NRK: variants seen among roughly 807,000 people sequenced by gnomAD.
NRK encodes the protein Nik related kinase, also known as nik-related protein kinase.
NRK carries 67 observed loss-of-function variants against 125.2 expected under a neutral mutation model. That is an observed-to-expected ratio of 0.54 (90% CI 0.44 to 0.66). NRK has a LOEUF of 0.66. Ranked by LOEUF, NRK falls within the 30% of genes least tolerant of loss-of-function variation. The probability of loss-of-function intolerance (pLI) is 0.00; values close to 1 mark genes in which losing one functional copy is unlikely to be tolerated. For synonymous variants in NRK, 458 were observed against 429.0 expected (o/e 1.07, Z -0.84); for missense variants, 1,224 against 1,192.9 (o/e 1.03, Z -0.38).
chrX:105,937,916 T>C (rs1480947595), intron 22 of NRK, among the ~76,000 whole-genome samples: 1 of 111,661 alleles, frequency 9.0e-6, no homozygotes, highest in Admixed American at 9.5e-5. Flanking sequence ...CCATGTCCCG[T>C]TCTTGTGAGG....
chrX:105,864,008 G>C (rs2039636998), intron 2 of NRK, among the ~76,000 whole-genome samples: 1 of 112,290 alleles, frequency 8.9e-6, no homozygotes, highest in Non-Finnish European at 1.9e-5. Flanking sequence ...CAATTCAGTT[G>C]CATGAAAATA....
intron 13 of NRK, among the ~76,000 whole-genome samples, chrX:105,910,542 T>C (rs1231581815): frequency 1.8e-5 from 2 of 112,640 alleles, no homozygotes; most frequent in Non-Finnish European, 3.7e-5. Context: ...CAGGTTCGTA[T>C]GCCCACTGCA....
chrX:105,903,946 C>T (rs2040189890), intron 9 of NRK, among the ~76,000 whole-genome samples: 1 of 111,911 alleles, frequency 8.9e-6, no homozygotes, highest in Non-Finnish European at 1.9e-5. Context: ...GCTAATTCTG[C>T]CTTCAGTTAT....
chrX:105,844,031 GTGTGTGTGTGTC>G (rs1569290081), intron 2 of NRK, among the ~76,000 whole-genome samples: 4 of 103,517 alleles, frequency 3.9e-5, no homozygotes, highest in Non-Finnish European at 3.9e-5. Flanking sequence ...GTGTGTGTGT[GTGTGTGTGTGTC>G]TGTGTGTCTG....
rs753438725 is a variant in NRK, at chrX:105,904,310, A to C, written c.767-955A>C. Among the ~76,000 whole-genome samples the C allele has an allele frequency of 6.3e-5, 7 of 111,813 alleles. No individual in the cohort carries two copies. In the South Asian group the frequency reaches 2.6e-3, roughly 41 times the overall value. Reference sequence around the variant, plus strand: ...TTTAAACACTTATAGAAAAAACCAAATTTCCCAAACCAATGAGGTAATTAA... The same window carrying C: ...TTTAAACACTTATAGAAAAAACCAACTTTCCCAAACCAATGAGGTAATTAA... On this transcript the variant is annotated intron_variant, in intron 9 of 28. Transcript: ENST00000243300.
At position 105,915,777 on chromosome X, in the gene NRK, T is replaced by A. The variant is rs1349332654; in HGVS notation, c.2397T>A (p.His799Gln). ...TGCCTAACAACCAGGATCATGCACA[T>A]CATGTCAAGTTCTCTTCAAGGTATG... ...PSVPNNQDHA[H>Q]HVKFSSSVPQ... The change falls in exon 15 of 29, where the codon CAT becomes CAA. Residue 799 changes from histidine (H) to glutamine (Q), a missense_variant. By Grantham distance (24) the His-to-Gln change is conservative (BLOSUM62 0). Coordinates refer to ENST00000243300, the MANE Select transcript of NRK (RefSeq NM_198465.4). The A allele has an allele frequency of 9.7e-6, 11 of 1,130,478 alleles. No individual in the cohort carries two copies. Among genetic ancestry groups the A allele is most frequent in the Non-Finnish European group, 1.2e-5 (10 of 824,327 alleles). 93.2% of individuals were successfully genotyped at this position (1,130,478 alleles called of 1,213,427 possible).
In NRK at chrX:105,942,888, G is replaced by A. The variant is rs541093889; in HGVS notation, c.3959-1053G>A. On this transcript the variant is annotated intron_variant, in intron 23 of 28. Transcript: ENST00000243300. ...GATCCACCCACCCTGGCCTCCCAAAGTACTGGGATTGCAGGCGTGAGCCAC... is the reference window on the plus strand; with the variant it reads ...GATCCACCCACCCTGGCCTCCCAAAATACTGGGATTGCAGGCGTGAGCCAC... Among the ~76,000 whole-genome samples the A allele has an allele frequency of 1.7e-4, 19 of 111,248 alleles. No homozygotes were observed. The South Asian group carries it at 6.9e-3, about 41-fold the overall frequency.
At chrX:105,860,566 G>A (rs1169726343) in intron 2 of NRK, among the ~76,000 whole-genome samples, 1 of 109,753 alleles carries the variant, frequency 9.1e-6, no homozygotes, top group Non-Finnish European at 1.9e-5. Context: ...TCATCCCCCA[G>A]GCCCCCTGCC....
intron 16 of NRK, among the ~76,000 whole-genome samples, chrX:105,918,785 G>A (rs1326341071): frequency 9.1e-6 from 1 of 110,425 alleles, no homozygotes; most frequent in African/African-American, 3.3e-5. Context: ...GAAGGCATCT[G>A]TGCAGATAAT....
chrX:105,898,825 C>A, intron 8 of NRK, 111 bp downstream of exon 8: 1 of 560,980 alleles, frequency 1.8e-6, no homozygotes, highest in Non-Finnish European at 2.6e-6. Context: ...CCACATTTTA[C>A]ATTAAATGCT....
In NRK at chrX:105,822,819, C is replaced by T. The variant is rs748077688; in HGVS notation, c.-27C>T. 34 of 1,163,260 alleles carry T rather than the reference C, an allele frequency of 2.9e-5. No individual in the cohort carries two copies. In the East Asian group the frequency reaches 3.6e-4, roughly 12 times the overall value. On this transcript the variant is annotated 5_prime_UTR_variant, in exon 1 of 29. Coordinates refer to ENST00000243300, the MANE Select transcript of NRK (RefSeq NM_198465.4). ...ACTCTGCGCGCACCCAATTCAGTCG[C>T]CCGCTCCCGTTCGGCTCCTCGAAGC...
intron 2 of NRK, among the ~76,000 whole-genome samples, chrX:105,863,321 GAC>G (rs769445045): frequency 0.031 from 1,890 of 60,412 alleles, 39 homozygotes; most frequent in African/African-American, 0.12. Context: ...AATAGTAACA[GAC>G]ACACACACAC....
At chrX:105,872,856 T>C (rs1354412286) in intron 2 of NRK, among the ~76,000 whole-genome samples, 1 of 110,907 alleles carries the variant, frequency 9.0e-6, no homozygotes, top group Non-Finnish European at 1.9e-5. Flanking sequence ...ACAAAAACCA[T>C]CTTGTCAGCC....
intron 5 of NRK, among the ~76,000 whole-genome samples, chrX:105,893,436 C>T (rs916162863): frequency 8.9e-6 from 1 of 112,108 alleles, no homozygotes; most frequent in African/African-American, 3.2e-5. Context: ...CTTGACCATC[C>T]TTTCCTTCCC....
At chrX:105,889,545 C>T (rs1468917105) in intron 5 of NRK, among the ~76,000 whole-genome samples, 2 of 112,291 alleles carry the variant, frequency 1.8e-5, no homozygotes, top group Non-Finnish European at 3.8e-5. Context: ...CTACACTGCC[C>T]TAACAGAGGT....
At chrX:105,949,520 A>G in intron 26 of NRK, 55 bp from the exon 27 acceptor site, 2 of 979,248 alleles carry the variant, frequency 2.0e-6, no homozygotes, top group South Asian at 2.2e-5. Flanking sequence ...TGCTTCGATT[A>G]AAGTAGTAGT....
intron 14 of NRK, 109 bp downstream of exon 14, chrX:105,912,864 A>G: frequency 2.9e-6 from 1 of 342,618 alleles, no homozygotes; most frequent in Non-Finnish European, 5.2e-6. Flanking sequence ...TGAGGACCTC[A>G]AAAAGCTTTC....
rs766228969 is a variant in NRK at position 105,923,386 on chromosome X, A to T, written c.2879A>T (p.Asp960Val). 1 of 1,155,394 alleles carries T rather than the reference A, an allele frequency of 8.7e-7. No homozygotes were observed. Among genetic ancestry groups the T allele is most frequent in the East Asian group, 3.3e-5 (1 of 30,668 alleles). ...AATGATGACTTGGATAACCAGGTTG[A>T]TCAGGCTAATGATGTTTGTAAAGAC... ...NGNDDLDNQV[D>V]QANDVCKDHD... Residue 960 changes from aspartate (D) to valine (V), a missense_variant, in exon 18 of 29, where the codon GAT (aspartate) becomes GTT (valine). Physicochemically the swap from Asp to Val is radical, Grantham distance 152. Coordinates refer to ENST00000243300, the MANE Select transcript of NRK (RefSeq NM_198465.4).
intron 2 of NRK, among the ~76,000 whole-genome samples, chrX:105,869,903 G>T (rs920252470): frequency 9.1e-6 from 1 of 109,365 alleles, no homozygotes; most frequent in Non-Finnish European, 1.9e-5. Context: ...ATTACATAAA[G>T]AAAGCAATCT....
Sources: allele counts gnomAD v4.1 joint callset (sites outside exome capture counted in the v4.1 genomes callset), GRCh38; gene constraint gnomAD v4.1.1; transcripts MANE v1.5; gene names NCBI Gene and HGNC (gene_info 2026-07-23, HGNC 2026-07-21).